Variants in GLCCI1 observed in about 807,000 individuals in gnomAD.
GLCCI1 encodes the protein glucocorticoid induced 1.
In GLCCI1, 24 loss-of-function variants were observed where a neutral mutation model predicts 52.2. The observed-to-expected ratio is 0.46, with a 90% CI of 0.33 to 0.65. GLCCI1 has a LOEUF of 0.65. Among genes scored for constraint, GLCCI1 ranks in the 30% least tolerant of loss-of-function variants. The pLI is 0.02. For synonymous variants in GLCCI1, 310 were observed against 276.5 expected (o/e 1.12, Z -1.20); for missense variants, 704 against 701.5 (o/e 1.00, Z -0.04).
chr7:8,004,035 A>G lies in GLCCI1; in HGVS notation c.585A>G (p.Ser195=), dbSNP rs375530210. 3 of 1,613,192 alleles carry G rather than the reference A, an allele frequency of 1.9e-6. No individual in the cohort carries two copies. The highest frequency in any genetic ancestry group is 2.5e-6 in the Non-Finnish European group (3 of 1,179,546). The stretch of plus-strand genomic sequence containing the variant: ...GGGATCCTCATGTTCACTACCCTTC[A>G]TGCATGAAAGACAAAGCTACTCAGG... The part of the protein sequence containing the change: ...WPRDPHVHYP[S]CMKDKATQTP... Residue 195 remains serine (S), a synonymous_variant, in exon 2 of 8, where the codon TCA becomes TCG. Coordinates refer to ENST00000223145, the MANE Select transcript of GLCCI1 (RefSeq NM_138426.4).
chr7:8,067,942 G>C (rs150738198), intron 5 of GLCCI1, among the ~76,000 whole-genome samples: 1 of 152,138 alleles, frequency 6.6e-6, no homozygotes, highest in African/African-American at 2.4e-5. Flanking sequence ...CCTGAAATCT[G>C]GTTTCTAAGT....
chr7:8,055,863 G>T, intron 4 of GLCCI1: 1 of 181,346 alleles, frequency 5.5e-6, no homozygotes, highest in Non-Finnish European at 1.2e-5. Context: ...CGTCGTGCCG[G>T]GCGCCTGTAG....
At position 8,070,992 on chromosome 7, in the gene GLCCI1, T is replaced by G; in HGVS notation, c.1038T>G (p.Ile346Met). The change falls in exon 6 of 8, where the codon ATT (isoleucine) becomes ATG (methionine). Residue 346 changes from isoleucine to methionine, a missense_variant. By Grantham distance (10) the Ile-to-Met change is conservative (BLOSUM62 1). This residue lies in a region of GLCCI1 where 547 missense variants were observed against 524.8 expected (regional missense o/e 1.04). Transcript: ENST00000223145. ...ACCGGAGCAGTAGTACTCGCAGCAT[T>G]GACACTCAGACTCCTTCTGTCCAGG... is the stretch of plus-strand genomic sequence containing the variant. Reference protein sequence around the residue: ...AHYRSSSTRSIDTQTPSVQER... With the variant: ...AHYRSSSTRSMDTQTPSVQER... 1 of 1,614,198 alleles carries G rather than the reference T, an allele frequency of 6.2e-7. No homozygotes were observed. Among genetic ancestry groups the G allele is most frequent in the Non-Finnish European group, 8.5e-7 (1 of 1,180,038 alleles).
intron 2 of GLCCI1, among the ~76,000 whole-genome samples, chr7:8,016,213 T>C (rs1781375041): frequency 6.6e-6 from 1 of 152,248 alleles, no homozygotes; most frequent in African/African-American, 2.4e-5. Flanking sequence ...CTTACGCCTG[T>C]AATCCCAGCA....
intron 3 of GLCCI1, among the ~76,000 whole-genome samples, chr7:8,039,719 G>A (rs958450174): frequency 2.6e-5 from 4 of 152,136 alleles, no homozygotes; most frequent in African/African-American, 7.2e-5. Context: ...GACTTCAGCC[G>A]GGCGCAGTGG....
intron 3 of GLCCI1, among the ~76,000 whole-genome samples, chr7:8,041,700 C>T (rs1439715118): frequency 6.6e-6 from 1 of 152,156 alleles, no homozygotes; most frequent in Non-Finnish European, 1.5e-5. Context: ...AAGCAGTCTT[C>T]CTACCTGAGT....
intron 1 of GLCCI1, among the ~76,000 whole-genome samples, chr7:7,999,643 A>G (rs1781013988): frequency 6.7e-6 from 1 of 150,102 alleles, no homozygotes; most frequent in African/African-American, 2.5e-5. Flanking sequence ...GGTGGCTTAT[A>G]CCTGTATTCC....
intron 1 of GLCCI1, among the ~76,000 whole-genome samples, chr7:8,002,140 T>C (rs750522441): frequency 6.6e-4 from 101 of 152,216 alleles, no homozygotes; most frequent in Non-Finnish European, 1.2e-3. Flanking sequence ...CTAAATAATA[T>C]AGAACTAAAA....
chr7:8,041,151 A>C (rs1781990120), intron 3 of GLCCI1, among the ~76,000 whole-genome samples: 1 of 152,244 alleles, frequency 6.6e-6, no homozygotes. Flanking sequence ...ATAACAAAGC[A>C]AAACAGCATT....
chr7:7,982,143 C>A, intron 1 of GLCCI1: 1 of 372,206 alleles, frequency 2.7e-6, no homozygotes. Flanking sequence ...AAATACCAGA[C>A]ATCTTTATGA....
chr7:8,051,571 G>C (rs6975078), intron 3 of GLCCI1, among the ~76,000 whole-genome samples: 115,219 of 152,134 alleles, frequency 0.76, 44,396 homozygotes, highest in African/African-American at 0.9. Context: ...CTTATGTGGT[G>C]AAGGCTACTA....
chr7:7,987,489 T>C (rs1780758157), intron 1 of GLCCI1, among the ~76,000 whole-genome samples: 1 of 152,216 alleles, frequency 6.6e-6, no homozygotes, highest in South Asian at 2.1e-4. Context: ...GTTCAGGATC[T>C]CATTGCCCAC....
chr7:8,082,677 A>G (rs1382284909), intron 6 of GLCCI1, among the ~76,000 whole-genome samples: 1 of 152,192 alleles, frequency 6.6e-6, no homozygotes, highest in East Asian at 1.9e-4. Flanking sequence ...TAACATTAAT[A>G]CCCCCAAAAA....
intron 3 of GLCCI1, among the ~76,000 whole-genome samples, chr7:8,023,224 C>T (rs932434934): frequency 6.6e-6 from 1 of 152,100 alleles, no homozygotes; most frequent in Non-Finnish European, 1.5e-5. Flanking sequence ...ACTGTGTTAG[C>T]CAGGATGGTC....
chr7:8,069,517 C>A (rs1334795040), intron 5 of GLCCI1, among the ~76,000 whole-genome samples: 1 of 152,098 alleles, frequency 6.6e-6, no homozygotes, highest in Non-Finnish European at 1.5e-5. Context: ...GGGGGTGGGG[C>A]AGCTGTGCTG....
intron 1 of GLCCI1, among the ~76,000 whole-genome samples, chr7:7,982,474 T>G (rs1024548637): frequency 6.6e-5 from 10 of 152,218 alleles, no homozygotes; most frequent in African/African-American, 2.2e-4. Context: ...TTTGAAGTCT[T>G]TCACATTTTT....
intron 3 of GLCCI1, among the ~76,000 whole-genome samples, chr7:8,032,116 C>G (rs1377137654): frequency 2.0e-5 from 3 of 152,012 alleles, no homozygotes; most frequent in Non-Finnish European, 2.9e-5. Flanking sequence ...CACCCAGTCA[C>G]TGCAGAATAG....
At position 8,088,434 on chromosome 7, in the gene GLCCI1, A is replaced by T. The variant is rs1410842155; in HGVS notation, c.*1896A>T. On this transcript the variant is annotated 3_prime_UTR_variant, in exon 8 of 8. Coordinates refer to ENST00000223145, the MANE Select transcript of GLCCI1 (RefSeq NM_138426.4). ...GACTCAGTTTACTTTCGTCATTTTC[A>T]CAGGGGAACCTTTTAAAACAATCTT... The T allele has an allele frequency of 6.6e-6, 1 of 152,614 alleles. No homozygotes were observed. Among genetic ancestry groups the T allele is most frequent in the East Asian group, 1.9e-4 (1 of 5,204 alleles). 9.5% of individuals were successfully genotyped at this position (152,614 alleles called of 1,614,324 possible).
In GLCCI1 at chr7:8,033,798, A is replaced by G. The variant is rs527396468; in HGVS notation, c.696+11229A>G. ...ACTTGTTCATGGATTGGAAGAATCA[A>G]TAGTAAGATGGTAATTCTCAAATTG... On this transcript the variant is annotated intron_variant, in intron 3 of 7. Transcript: ENST00000223145. Among the ~76,000 whole-genome samples, 6 of 152,302 alleles carry G rather than the reference A, an allele frequency of 3.9e-5. No individual in the cohort carries two copies. The East Asian group carries it at 9.6e-4, about 24-fold the overall frequency.
Sources: allele counts gnomAD v4.1 joint callset (sites outside exome capture counted in the v4.1 genomes callset), GRCh38; gene constraint gnomAD v4.1.1; regional missense constraint gnomAD v4.1.1; transcripts MANE v1.5; gene names NCBI Gene and HGNC (gene_info 2026-07-23, HGNC 2026-07-21).